The following LRMDA variants were observed in gnomAD, a reference collection of about 807,000 sequenced individuals.
LRMDA encodes leucine rich melanocyte differentiation associated.
Under a neutral mutation model 29.8 loss-of-function variants are expected in LRMDA, and 18 were observed. The ratio of observed to expected loss-of-function variants is 0.60; its 90% CI spans 0.42 to 0.90. The LOEUF is 0.90. Ranked by LOEUF, LRMDA falls within the 40% of genes least tolerant of loss-of-function variation. LRMDA has a pLI of 0.00. For synonymous variants in LRMDA, 125 were observed against 109.4 expected, an observed-to-expected ratio of 1.14 and a Z score of -0.89; for missense variants, 273 against 273.9, an observed-to-expected ratio of 1.00 and a Z score of 0.02.
intron 2 of LRMDA, among the ~76,000 whole-genome samples, chr10:75,786,421 T>C (rs1843473390): frequency 6.6e-6 from 1 of 152,200 alleles, no homozygotes; most frequent in South Asian, 2.1e-4. Flanking sequence ...CACTTTTCAT[T>C]TTCAAGCTTA....
At chr10:75,496,510 C>G (rs1024898014) in intron 2 of LRMDA, among the ~76,000 whole-genome samples, 1 of 152,172 alleles carries the variant, frequency 6.6e-6, no homozygotes, top group Non-Finnish European at 1.5e-5. Flanking sequence ...GAGCAATAGT[C>G]TATATCTTAA....
In LRMDA at chr10:76,389,315, A is replaced by G. The variant is rs189565023; in HGVS notation, c.601+64830A>G. On this transcript the variant is annotated intron_variant, in intron 6 of 6. Transcript: ENST00000611255. ...TCGAATGGTGAGGCTGGAGAGATTG[A>G]CAGGAATAAAATTAGAAGGGCCCAA... 2.6e-4 allele frequency among the ~76,000 whole-genome samples: 40 copies of G among 152,248 alleles called. 1 individual carries two copies. In the East Asian group the frequency reaches 7.1e-3, roughly 27 times the overall value.
At position 75,590,726 on chromosome 10, in the gene LRMDA, C is replaced by CTTTTT. The variant is rs67966004; in HGVS notation, c.131+152270_131+152274dup. 1.6e-3 allele frequency among the ~76,000 whole-genome samples: 115 copies of CTTTTT among 71,382 alleles called. 6 individuals carry two copies. Among genetic ancestry groups the CTTTTT allele is most frequent in the Non-Finnish European group, 2.3e-3 (90 of 39,848 alleles). The allele number at this position is 71,382 out of a possible 152,430, so 46.8% of individuals were successfully genotyped here. On this transcript the variant is annotated intron_variant, in intron 2 of 6. Transcript: ENST00000611255. ...CTCCTAACTCTCACAATAAAATAGT[C>CTTTTT]TTTTTTTTTTTTTTTTTTTTTTTTT...
At chr10:76,148,410 C>G (rs528131011) in intron 5 of LRMDA, among the ~76,000 whole-genome samples, 23 of 152,296 alleles carry the variant, frequency 1.5e-4, no homozygotes, top group African/African-American at 5.3e-4. Flanking sequence ...CCTCCCCCAA[C>G]CTCGCTGCCG....
chr10:75,974,386 T>C (rs1847034160), intron 2 of LRMDA, among the ~76,000 whole-genome samples: 1 of 152,216 alleles, frequency 6.6e-6, no homozygotes, highest in Non-Finnish European at 1.5e-5. Context: ...GTTAGACTGC[T>C]TGAGTGCAAA....
chr10:76,490,892 T>C (rs1015541300), intron 6 of LRMDA, among the ~76,000 whole-genome samples: 2 of 151,926 alleles, frequency 1.3e-5, no homozygotes, highest in African/African-American at 4.8e-5. Context: ...GGTGATTTTC[T>C]CTTGTGGTAT....
intron 6 of LRMDA, among the ~76,000 whole-genome samples, chr10:76,390,981 CAT>C (rs1841717369): frequency 6.6e-6 from 1 of 152,154 alleles, no homozygotes; most frequent in African/African-American, 2.4e-5. Flanking sequence ...GAATTTTCAA[CAT>C]ATGATAGTCA....
At chr10:75,503,703 C>T (rs914489747) in intron 2 of LRMDA, among the ~76,000 whole-genome samples, 2 of 152,016 alleles carry the variant, frequency 1.3e-5, no homozygotes, top group Admixed American at 1.3e-4. Flanking sequence ...TAGTGATACT[C>T]AGTTCCTCTG....
chr10:75,916,122 G>A (rs1458857774), intron 2 of LRMDA, among the ~76,000 whole-genome samples: 1 of 151,902 alleles, frequency 6.6e-6, no homozygotes, highest in East Asian at 1.9e-4. Flanking sequence ...TTGGCTTTCA[G>A]CTCTGGGGCT....
intron 6 of LRMDA, among the ~76,000 whole-genome samples, chr10:76,397,654 C>T (rs1841801177): frequency 6.6e-6 from 1 of 152,198 alleles, no homozygotes; most frequent in African/African-American, 2.4e-5. Context: ...CACAGTGTGT[C>T]CTTTCTTGGC....
Position 76,378,849 on chromosome 10 carries a change from TTTTTTTTTC to T in LRMDA, c.601+54373_601+54381del, listed in dbSNP as rs796572957. ...GTGTCTTTTCTTTTCTCTCTTTTTC[TTTTTTTTTC>T]TTTTTTTTTTTTTTTTGAGACGATG... On this transcript the variant is annotated intron_variant, in intron 6 of 6. Transcript: ENST00000611255. Among the ~76,000 whole-genome samples, 312 of 59,876 alleles carry T rather than the reference TTTTTTTTTC, an allele frequency of 5.2e-3. 4 individuals carry two copies. The highest frequency in any genetic ancestry group is 0.042 in the South Asian group (113 of 2,670). The allele number at this position is 59,876 out of a possible 152,430, so 39.3% of individuals were successfully genotyped here. A position where few individuals can be genotyped will look rare whatever the true frequency, so the allele number is the denominator to read the frequency against.
chr10:75,752,038 T>C (rs558699651), intron 2 of LRMDA, among the ~76,000 whole-genome samples: 4 of 150,556 alleles, frequency 2.7e-5, no homozygotes, highest in African/African-American at 9.7e-5. Context: ...TAAATAAATA[T>C]ATATATATAT....
chr10:75,822,861 A>G (rs576590949), intron 2 of LRMDA, among the ~76,000 whole-genome samples: 4 of 152,292 alleles, frequency 2.6e-5, no homozygotes, highest in Admixed American at 1.3e-4. Flanking sequence ...AGTTGAAACT[A>G]CAGGCATGCA....
intron 2 of LRMDA, among the ~76,000 whole-genome samples, chr10:75,839,325 A>G (rs1844494970): frequency 6.6e-6 from 1 of 152,224 alleles, no homozygotes; most frequent in African/African-American, 2.4e-5. Flanking sequence ...TTCATCCACC[A>G]GTCCATCATT....
chr10:76,003,957 G>A (rs1367072960), intron 2 of LRMDA, among the ~76,000 whole-genome samples: 1 of 152,148 alleles, frequency 6.6e-6, no homozygotes, highest in Non-Finnish European at 1.5e-5. Flanking sequence ...GCCCAGGTGG[G>A]GTTTTTGGGT....
chr10:76,205,291 C>T (rs967894164), intron 5 of LRMDA, among the ~76,000 whole-genome samples: 2 of 152,142 alleles, frequency 1.3e-5, no homozygotes, highest in Non-Finnish European at 2.9e-5. Context: ...TTCTGTGTCT[C>T]TCCATATAAA....
chr10:76,167,958 G>A (rs1729511992), intron 5 of LRMDA, among the ~76,000 whole-genome samples: 1 of 152,036 alleles, frequency 6.6e-6, no homozygotes, highest in African/African-American at 2.4e-5. Flanking sequence ...TATCCTTTTA[G>A]AGGTCTTTCA....
intron 2 of LRMDA, among the ~76,000 whole-genome samples, chr10:75,967,437 C>T (rs1174613887): frequency 6.6e-6 from 1 of 151,986 alleles, no homozygotes; most frequent in Non-Finnish European, 1.5e-5. Flanking sequence ...GCTGTAAAAA[C>T]CTAAATTGTA....
intron 2 of LRMDA, among the ~76,000 whole-genome samples, chr10:75,989,678 A>G (rs905105246): frequency 2.0e-5 from 3 of 152,030 alleles, no homozygotes; most frequent in Admixed American, 1.3e-4. Context: ...CCTCACCACA[A>G]CCCCATGAGG....
Sources: gnomAD v4.1 joint callset for allele counts (sites outside exome capture counted in the v4.1 genomes callset) on GRCh38, gnomAD v4.1.1 for gene constraint, MANE v1.5 for transcripts, NCBI Gene and HGNC (gene_info 2026-07-23, HGNC 2026-07-21) for gene names.